Variants in AUTS2 observed in about 807,000 individuals in gnomAD.
The protein encoded by AUTS2 is autism susceptibility gene 2 protein.
In AUTS2, 17 loss-of-function variants were observed where a neutral mutation model predicts 112.4. The observed-to-expected ratio is 0.15, with a 90% CI of 0.10 to 0.23. AUTS2 has a LOEUF of 0.23. Among genes scored for constraint, AUTS2 ranks in the 10% least tolerant of loss-of-function variants. The pLI is 1.00. For synonymous variants in AUTS2, 751 were observed against 702.7 expected, an observed-to-expected ratio of 1.07 and a Z score of -1.09; for missense variants, 1,510 against 1,701.6, an observed-to-expected ratio of 0.89 and a Z score of 1.98.
intron 4 of AUTS2, among the ~76,000 whole-genome samples, chr7:70,307,270 T>C (rs1457320158): frequency 2.6e-5 from 4 of 152,230 alleles, no homozygotes; most frequent in Non-Finnish European, 5.9e-5. Flanking sequence ...AATTTCAAGG[T>C]GTTTGACCAC....
intron 4 of AUTS2, among the ~76,000 whole-genome samples, chr7:70,170,074 G>A (rs1808588661): frequency 6.7e-6 from 1 of 150,328 alleles, no homozygotes; most frequent in Non-Finnish European, 1.5e-5. Context: ...TCAAATAATA[G>A]AGGTTTTTTT....
At chr7:70,110,431 G>A (rs1485187347) in intron 2 of AUTS2, among the ~76,000 whole-genome samples, 4 of 152,116 alleles carry the variant, frequency 2.6e-5, no homozygotes, top group East Asian at 1.9e-4. Flanking sequence ...CAGGAGAATC[G>A]CTTGAACCCG....
chr7:69,990,437 T>C (rs1452066478), intron 2 of AUTS2, among the ~76,000 whole-genome samples: 3 of 152,210 alleles, frequency 2.0e-5, no homozygotes, highest in African/African-American at 7.2e-5. Context: ...TTTTATATTG[T>C]ATCAGGTGAG....
chr7:69,656,173 T>G (rs774430327), intron 1 of AUTS2, among the ~76,000 whole-genome samples: 10 of 152,234 alleles, frequency 6.6e-5, no homozygotes, highest in Non-Finnish European at 1.3e-4. Flanking sequence ...AAATGGCCCC[T>G]CTGCCCCTTC....
At chr7:70,571,470 G>A (rs1205998246) in intron 5 of AUTS2, among the ~76,000 whole-genome samples, 1 of 152,200 alleles carries the variant, frequency 6.6e-6, no homozygotes, top group African/African-American at 2.4e-5. Flanking sequence ...CCTTGGAAAG[G>A]TACAGGACAG....
intron 1 of AUTS2, among the ~76,000 whole-genome samples, chr7:69,766,317 G>A (rs1230899266): frequency 1.3e-5 from 2 of 152,166 alleles, no homozygotes; most frequent in Non-Finnish European, 2.9e-5. Context: ...TCCATTGTAT[G>A]TGTATACCAC....
chr7:70,127,141 A>G (rs1051113268), intron 3 of AUTS2, among the ~76,000 whole-genome samples: 7 of 150,754 alleles, frequency 4.6e-5, no homozygotes, highest in African/African-American at 1.7e-4. Context: ...CGCACTTTCA[A>G]ATCTTCCTAC....
chr7:70,768,938 G>C (rs1217430414), intron 10 of AUTS2, among the ~76,000 whole-genome samples: 2 of 135,640 alleles, frequency 1.5e-5, no homozygotes, highest in African/African-American at 5.7e-5. Flanking sequence ...TTGTAGCCGT[G>C]TTGATTCACC....
chr7:70,120,017 T>TA (rs2129573002), intron 3 of AUTS2: 1 of 152,288 alleles, frequency 6.6e-6, no homozygotes, highest in Non-Finnish European at 1.5e-5. Context: ...AATTTTTAAA[T>TA]ACGTGGATTT....
chr7:69,718,586 T>G (rs1798746919), intron 1 of AUTS2, among the ~76,000 whole-genome samples: 1 of 152,220 alleles, frequency 6.6e-6, no homozygotes, highest in African/African-American at 2.4e-5. Flanking sequence ...GAACCCTTGA[T>G]TACATTGGGC....
chr7:69,876,677 C>T (rs1247473205), intron 1 of AUTS2, among the ~76,000 whole-genome samples: 1 of 150,798 alleles, frequency 6.6e-6, no homozygotes, highest in Admixed American at 6.7e-5. Flanking sequence ...ATAATGATAA[C>T]TGCATAAGCC....
chr7:70,380,834 C>T (rs1230330264), intron 4 of AUTS2, among the ~76,000 whole-genome samples: 1 of 152,242 alleles, frequency 6.6e-6, no homozygotes, highest in Non-Finnish European at 1.5e-5. Flanking sequence ...GCCACAGTCT[C>T]ATGACCCAAC....
chr7:69,673,334 G>C (rs1796420640), intron 1 of AUTS2, among the ~76,000 whole-genome samples: 1 of 152,212 alleles, frequency 6.6e-6, no homozygotes, highest in Admixed American at 6.5e-5. Flanking sequence ...GCTGGGGATT[G>C]TATTAAAGGG....
intron 2 of AUTS2, among the ~76,000 whole-genome samples, chr7:69,948,894 C>A (rs1796920606): frequency 6.6e-6 from 1 of 152,104 alleles, no homozygotes; most frequent in South Asian, 2.1e-4. Flanking sequence ...CAACCTCCAC[C>A]TCCCGGGTTC....
chr7:69,845,853 C>A (rs2129529130), intron 1 of AUTS2, among the ~76,000 whole-genome samples: 1 of 152,308 alleles, frequency 6.6e-6, no homozygotes, highest in East Asian at 1.9e-4. Context: ...ATGTAGTCAG[C>A]ACAACTCCTG....
At chr7:70,784,164 T>C (rs1279474331) in intron 15 of AUTS2, 1 of 152,234 alleles carries the variant, frequency 6.6e-6, no homozygotes, top group African/African-American at 2.4e-5. Context: ...CAGCTTTTCC[T>C]GGCATTGAAA....
chr7:69,610,088 T>G (rs1338877732), intron 1 of AUTS2, among the ~76,000 whole-genome samples: 1 of 152,246 alleles, frequency 6.6e-6, no homozygotes, highest in Non-Finnish European at 1.5e-5. Flanking sequence ...TAATCTTTTA[T>G]CAAGCATTGT....
At chr7:69,828,677 A>C (rs1013911528) in intron 1 of AUTS2, among the ~76,000 whole-genome samples, 1 of 152,212 alleles carries the variant, frequency 6.6e-6, no homozygotes, top group Non-Finnish European at 1.5e-5. Context: ...AGTATGACAC[A>C]CACAATTAAC....
At chr7:70,251,924 A>G (rs1368807573) in intron 4 of AUTS2, among the ~76,000 whole-genome samples, 10 of 152,018 alleles carry the variant, frequency 6.6e-5, no homozygotes, top group Admixed American at 5.9e-4. Context: ...TTTGATTTAT[A>G]ATTTGTTTTT....
Sources: gnomAD v4.1 joint callset for allele counts (sites outside exome capture counted in the v4.1 genomes callset) on GRCh38, gnomAD v4.1.1 for gene constraint, MANE v1.5 for transcripts, NCBI Gene and HGNC (gene_info 2026-07-23, HGNC 2026-07-21) for gene names.